LARP4: variants seen among roughly 807,000 people sequenced by gnomAD.
LARP4 encodes the protein La ribonucleoprotein 4.
Under a neutral mutation model 92.9 loss-of-function variants are expected in LARP4, and 29 were observed. The ratio of observed to expected loss-of-function variants is 0.31; its 90% CI spans 0.23 to 0.43. The LOEUF is 0.43. LARP4 is among the 20% of genes least tolerant of loss of function. The probability of loss-of-function intolerance (pLI) is 1.00; values close to 1 mark genes in which losing one functional copy is unlikely to be tolerated. For missense variants in LARP4, 732 were observed against 860.0 expected, an observed-to-expected ratio of 0.85 and a Z score of 1.86; for synonymous variants, 279 against 284.1, an observed-to-expected ratio of 0.98 and a Z score of 0.18.
At chr12:50,425,445 T>A (rs1948561421) in intron 1 of LARP4, among the ~76,000 whole-genome samples, 1 of 152,206 alleles carries the variant, frequency 6.6e-6, no homozygotes, top group Admixed American at 6.5e-5. Flanking sequence ...AGAGAATAAG[T>A]ATGTAAATAC....
intron 1 of LARP4, among the ~76,000 whole-genome samples, chr12:50,427,249 G>A (rs1948937278): frequency 6.6e-6 from 1 of 152,150 alleles, no homozygotes; most frequent in South Asian, 2.1e-4. Context: ...GAAAATTACT[G>A]TAGATAACTA....
At chr12:50,413,071 A>C (rs1946181072) in intron 1 of LARP4, among the ~76,000 whole-genome samples, 2 of 151,986 alleles carry the variant, frequency 1.3e-5, no homozygotes, top group South Asian at 4.2e-4. Flanking sequence ...AAAATACAAA[A>C]AATTAGCCGG....
At chr12:50,411,905 A>G (rs971976655) in intron 1 of LARP4, among the ~76,000 whole-genome samples, 2 of 150,620 alleles carry the variant, frequency 1.3e-5, no homozygotes, top group Admixed American at 6.6e-5. Flanking sequence ...CTGGTCTTGA[A>G]CTCCTGACCT....
chr12:50,475,816 T>G lies in LARP4; in HGVS notation c.2127T>G (p.Thr709=). The G allele has an allele frequency of 1.2e-6, 2 of 1,614,060 alleles. No individual in the cohort carries two copies. Among genetic ancestry groups the G allele is most frequent in the Non-Finnish European group, 1.7e-6 (2 of 1,180,030 alleles). The change falls in exon 16 of 16, where the codon ACT becomes ACG. Residue 709 remains threonine (T), a synonymous_variant. Transcript: ENST00000398473. ...ATAGGGCTATACCTCAGGGAGTGAC[T>G]CGACGTAATGGCAAAGAGCAATATG... ...FSHRAIPQGV[T]RRNGKEQYVP... is the part of the protein sequence containing the mutation.
At chr12:50,469,975 T>G (rs555651134) in intron 13 of LARP4, among the ~76,000 whole-genome samples, 25 of 151,986 alleles carry the variant, frequency 1.6e-4, no homozygotes, top group African/African-American at 5.8e-4. Flanking sequence ...ATCCCAGCAC[T>G]GTGGGGGTCC....
chr12:50,461,127 T>G lies in LARP4; in HGVS notation c.1122-8T>G. The G allele has an allele frequency of 6.2e-7, 1 of 1,605,860 alleles. No individual in the cohort carries two copies. The highest frequency in any genetic ancestry group is 8.5e-7 in the Non-Finnish European group (1 of 1,172,524). ...TGCTTTGTGTATATCATTTTGTATT[T>G]CCTATAGTGTGAAGCCTCAGTTTAG... On this transcript the variant is annotated splice_region_variant and splice_polypyrimidine_tract_variant and intron_variant, in intron 10 of 15. Transcript: ENST00000398473.
intron 1 of LARP4, among the ~76,000 whole-genome samples, chr12:50,401,750 A>G (rs1172749644): frequency 6.6e-6 from 1 of 152,220 alleles, no homozygotes; most frequent in African/African-American, 2.4e-5. Flanking sequence ...AGGGAAACTT[A>G]TTCCGGGAAA....
At chr12:50,468,070 C>G (rs911722757) in intron 13 of LARP4, among the ~76,000 whole-genome samples, 1 of 152,020 alleles carries the variant, frequency 6.6e-6, no homozygotes, top group African/African-American at 2.4e-5. Flanking sequence ...ACCTCCACCT[C>G]CCGGGTTCAA....
chr12:50,454,184 A>G, intron 9 of LARP4, 130 bp from the exon 10 acceptor site: 1 of 611,198 alleles, frequency 1.6e-6, no homozygotes, highest in Non-Finnish European at 2.8e-6. Context: ...GCAGAAATGA[A>G]TCAGTAAAAT....
Position 50,474,150 on chromosome 12 carries a change from A to C in LARP4, c.1819A>C (p.Thr607Pro), listed in dbSNP as rs202224219. 61 of 1,612,126 alleles carry C rather than the reference A, an allele frequency of 3.8e-5. No individual in the cohort carries two copies. The highest frequency in any genetic ancestry group is 1.5e-5 in the Non-Finnish European group (18 of 1,179,376). ...ATGTAATAATAACATAAATGCAGCT[A>C]CAGCTGTGGCTCTACAGGTAACTTG... ...SPCNNNINAA[T>P]AVALQEPRKL... The change falls in exon 15 of 16, where the codon ACA (threonine) becomes CCA (proline). Residue 607 changes from threonine to proline, a missense_variant. Thr to Pro is a conservative substitution (Grantham distance 38). Transcript: ENST00000398473.
chr12:50,446,599 T>C (rs566519074), intron 8 of LARP4, among the ~76,000 whole-genome samples: 1 of 148,778 alleles, frequency 6.7e-6, no homozygotes, highest in Admixed American at 6.8e-5. Context: ...TGGCTAATTT[T>C]TGTAGTTTTA....
At chr12:50,453,809 T>A in intron 9 of LARP4, 137 bp downstream of exon 9, 1 of 604,638 alleles carries the variant, frequency 1.7e-6, no homozygotes, top group East Asian at 2.9e-5. Flanking sequence ...TTTTTTGTAT[T>A]TTTCGTAGAG....
intron 13 of LARP4, among the ~76,000 whole-genome samples, chr12:50,467,492 A>G (rs1956300142): frequency 6.6e-6 from 1 of 152,026 alleles, no homozygotes; most frequent in African/African-American, 2.4e-5. Flanking sequence ...TAGTAGAGAC[A>G]GGGTTTCGCC....
chr12:50,404,930 C>T (rs1036943496), intron 1 of LARP4, among the ~76,000 whole-genome samples: 21 of 151,670 alleles, frequency 1.4e-4, no homozygotes, highest in Admixed American at 5.9e-4. Flanking sequence ...CCTCATGATT[C>T]GCCCACCTCG....
rs1041192904 is a variant in LARP4 at position 50,404,487 on chromosome 12, C to T, written c.18+3459C>T. ...GGAGTTTCGCTTGAGTATGGGAGGT[C>T]AAGGCTGGAATGAGCCGTGATTGTG... On this transcript the variant is annotated intron_variant, in intron 1 of 15. Transcript: ENST00000398473. 3.3e-5 allele frequency among the ~76,000 whole-genome samples: 5 copies of T among 151,992 alleles called. 1 individual carries two copies. The highest frequency in any genetic ancestry group is 7.4e-5 in the Non-Finnish European group (5 of 68,004).
intron 1 of LARP4, among the ~76,000 whole-genome samples, chr12:50,425,614 A>G (rs1172388349): frequency 6.6e-6 from 1 of 152,158 alleles, no homozygotes; most frequent in Non-Finnish European, 1.5e-5. Context: ...GGTGGTCTTC[A>G]GCATCTTCAT....
intron 8 of LARP4, among the ~76,000 whole-genome samples, chr12:50,444,062 C>A (rs548980917): frequency 2.0e-5 from 3 of 152,268 alleles, no homozygotes; most frequent in African/African-American, 7.2e-5. Context: ...CTAGTTCCAA[C>A]AAACAGCCAA....
chr12:50,437,721 CT>C lies in LARP4; in HGVS notation c.536-10del. On this transcript the variant is annotated splice_polypyrimidine_tract_variant and intron_variant, in intron 5 of 15. Transcript: ENST00000398473. ...TTGTCACGTTTGAGTGATACCCTTT[CT>C]TTTAAATTTCAGCTTCTCCCATGGT... 6.7e-7 allele frequency: 1 copy of C among 1,499,498 alleles called. No homozygotes were observed. Among genetic ancestry groups the C allele is most frequent in the South Asian group, 1.1e-5 (1 of 87,150 alleles). The allele number at this position is 1,499,498 out of a possible 1,614,324, so 92.9% of individuals were successfully genotyped here. A position where few individuals can be genotyped will look rare whatever the true frequency, so the allele number is the denominator to read the frequency against.
intron 13 of LARP4, among the ~76,000 whole-genome samples, chr12:50,469,109 C>T (rs1239461819): frequency 2.0e-5 from 3 of 151,890 alleles, no homozygotes; most frequent in Non-Finnish European, 4.4e-5. Context: ...TGTTTTTCTG[C>T]TCTCAAATTG....
Sources: gnomAD v4.1 joint callset for allele counts (sites outside exome capture counted in the v4.1 genomes callset) on GRCh38, gnomAD v4.1.1 for gene constraint, MANE v1.5 for transcripts, NCBI Gene and HGNC (gene_info 2026-07-23, HGNC 2026-07-21) for gene names.